The following PTPRT variants were observed in gnomAD, a reference collection of about 807,000 sequenced individuals.
PTPRT encodes protein tyrosine phosphatase receptor type T.
In PTPRT, 56 loss-of-function variants were observed where a neutral mutation model predicts 176.8. The ratio of observed to expected loss-of-function variants is 0.32; its 90% CI spans 0.26 to 0.40. PTPRT has a LOEUF of 0.40. Ranked by LOEUF, PTPRT falls within the 10% of genes least tolerant of loss-of-function variation. PTPRT has a pLI of 1.00. For missense variants in PTPRT, 1,540 were observed against 1,908.2 expected (o/e 0.81, Z 3.60); for synonymous variants, 783 against 739.0 (o/e 1.06, Z -0.96).
At chr20:42,258,419 C>T (rs538837133) in intron 13 of PTPRT, among the ~76,000 whole-genome samples, 21 of 152,318 alleles carry the variant, frequency 1.4e-4, no homozygotes, top group African/African-American at 4.3e-4. Flanking sequence ...CAACCACCAC[C>T]TCCAAGCCTT....
At chr20:43,107,831 G>A (rs890556751) in intron 1 of PTPRT, among the ~76,000 whole-genome samples, 4 of 152,200 alleles carry the variant, frequency 2.6e-5, no homozygotes, top group African/African-American at 9.6e-5. Flanking sequence ...GAAAGAAATG[G>A]CATCTAAATC....
intron 7 of PTPRT, among the ~76,000 whole-genome samples, chr20:42,618,535 G>T (rs376138571): frequency 0.017 from 2,211 of 128,182 alleles, 48 homozygotes; most frequent in Non-Finnish European, 0.025. Context: ...ATGTTGACAG[G>T]GGGGTGTTAA....
intron 7 of PTPRT, among the ~76,000 whole-genome samples, chr20:42,489,239 G>T (rs374189513): frequency 1.4e-4 from 21 of 151,820 alleles, no homozygotes; most frequent in African/African-American, 5.1e-4. Flanking sequence ...AATATTCCAC[G>T]TCCCCCTTGT....
chr20:43,014,556 G>A (rs905993157), intron 1 of PTPRT, among the ~76,000 whole-genome samples: 14 of 152,044 alleles, frequency 9.2e-5, no homozygotes, highest in African/African-American at 3.4e-4. Context: ...AATTAAAATC[G>A]GCATTCCGGG....
chr20:42,520,522 G>T (rs2072152546), intron 7 of PTPRT, among the ~76,000 whole-genome samples: 2 of 152,024 alleles, frequency 1.3e-5, no homozygotes, highest in African/African-American at 4.8e-5. Flanking sequence ...AATGCCTTCA[G>T]TCTCTTCTAG....
At chr20:42,659,623 G>T (rs1436154397) in intron 7 of PTPRT, among the ~76,000 whole-genome samples, 1 of 152,178 alleles carries the variant, frequency 6.6e-6, no homozygotes, top group African/African-American at 2.4e-5. Flanking sequence ...ATGCTTTGGG[G>T]TGGGTGCGGG....
At chr20:42,199,875 T>A (rs1198786477) in intron 15 of PTPRT, among the ~76,000 whole-genome samples, 2 of 151,998 alleles carry the variant, frequency 1.3e-5, no homozygotes, top group African/African-American at 4.8e-5. Flanking sequence ...AGTGTGCGGG[T>A]TAGTTTCACA....
At chr20:42,407,527 A>G (rs1193757427) in intron 9 of PTPRT, among the ~76,000 whole-genome samples, 1 of 152,178 alleles carries the variant, frequency 6.6e-6, no homozygotes, top group African/African-American at 2.4e-5. Flanking sequence ...TAAATATAAT[A>G]AAGACTTTTG....
chr20:43,139,646 T>C (rs2013940870), intron 1 of PTPRT, among the ~76,000 whole-genome samples: 1 of 152,202 alleles, frequency 6.6e-6, no homozygotes, highest in Admixed American at 6.5e-5. Flanking sequence ...ACTGGGCTAT[T>C]GATTTACCTA....
intron 2 of PTPRT, among the ~76,000 whole-genome samples, chr20:42,836,361 G>T (rs1313798554): frequency 6.6e-6 from 1 of 152,172 alleles, no homozygotes; most frequent in South Asian, 2.1e-4. Context: ...TGAGACTTCA[G>T]TGCCACCACC....
downstream of PTPRT, among the ~76,000 whole-genome samples, chr20:42,071,966 C>A (rs80183765): frequency 1.3e-5 from 2 of 152,294 alleles, no homozygotes; most frequent in African/African-American, 4.8e-5. Flanking sequence ...CCAACTTCAG[C>A]ATTTACTGGA....
chr20:42,247,945 C>T (rs1258240918), intron 14 of PTPRT, among the ~76,000 whole-genome samples: 1 of 152,156 alleles, frequency 6.6e-6, no homozygotes, highest in African/African-American at 2.4e-5. Flanking sequence ...ATCCTCAAGC[C>T]TTGTGAATGC....
intron 12 of PTPRT, among the ~76,000 whole-genome samples, chr20:42,313,220 A>G (rs1397088659): frequency 6.6e-6 from 1 of 152,202 alleles, no homozygotes; most frequent in Non-Finnish European, 1.5e-5. Context: ...GGAGGCATGA[A>G]TAATCCACCC....
rs1430878334 is a variant in PTPRT, at chr20:42,352,277, G to A, written c.1569C>T (p.Tyr523=). The A allele has an allele frequency of 6.2e-7, 1 of 1,614,134 alleles. No individual in the cohort carries two copies. ...TTGGGTCCAGCGAGCCGACAGCCTT[G>A]TAGTTGATCTGTAGGACAAGCCAGC... ...NGVITLYEIN[Y]KAVGSLDPSA... The change falls in exon 10 of 31, where the codon TAC becomes TAT. Residue 523 remains tyrosine, a synonymous_variant. Coordinates refer to ENST00000373187, the MANE Select transcript of PTPRT (RefSeq NM_007050.6).
intron 1 of PTPRT, among the ~76,000 whole-genome samples, chr20:43,059,993 TAA>T (rs560671621): frequency 2.8e-5 from 4 of 144,280 alleles, no homozygotes; most frequent in Admixed American, 2.1e-4. Context: ...AGACTTTGTC[TAA>T]AAAAAAAAAA....
chr20:43,181,139 C>T (rs1319271308), intron 1 of PTPRT, among the ~76,000 whole-genome samples: 1 of 152,174 alleles, frequency 6.6e-6, no homozygotes, highest in East Asian at 1.9e-4. Flanking sequence ...GGTCCTCAAG[C>T]CAAGAGCCCG....
chr20:42,102,329 T>C, intron 25 of PTPRT, 32 bp from the exon 26 acceptor site: 4 of 1,597,510 alleles, frequency 2.5e-6, no homozygotes, highest in Non-Finnish European at 3.4e-6. Context: ...AGATAGGCCC[T>C]GCTCATTTGG....
At chr20:42,660,047 A>T (rs2075195902) in intron 7 of PTPRT, among the ~76,000 whole-genome samples, 1 of 152,164 alleles carries the variant, frequency 6.6e-6, no homozygotes, top group African/African-American at 2.4e-5. Flanking sequence ...AATGACAGTG[A>T]TCATCTGAAT....
At chr20:42,840,768 T>C (rs2145724563) in intron 2 of PTPRT, among the ~76,000 whole-genome samples, 1 of 152,270 alleles carries the variant, frequency 6.6e-6, no homozygotes, top group East Asian at 1.9e-4. Flanking sequence ...TATAAATGCC[T>C]GTTCCTGCAA....
Sources: gnomAD v4.1 joint callset for allele counts (sites outside exome capture counted in the v4.1 genomes callset) on GRCh38, gnomAD v4.1.1 for gene constraint, MANE v1.5 for transcripts, NCBI Gene and HGNC (gene_info 2026-07-23, HGNC 2026-07-21) for gene names.